PCSK5: variants seen among roughly 807,000 people sequenced by gnomAD.
PCSK5 encodes the protein proprotein convertase subtilisin/kexin type 5, also known as prohormone convertase 5.
In PCSK5, 129 loss-of-function variants were observed where a neutral mutation model predicts 233.2. The observed-to-expected ratio is 0.55, with a 90% CI of 0.48 to 0.64. The LOEUF is 0.64. PCSK5 is among the 30% of genes least tolerant of loss of function. The pLI is 0.00. For synonymous variants in PCSK5, 825 were observed against 879.2 expected (o/e 0.94, Z 1.09); for missense variants, 2,076 against 2,430.1 (o/e 0.85, Z 3.06).
intron 4 of PCSK5, among the ~76,000 whole-genome samples, chr9:76,025,978 C>G (rs892028232): frequency 1.7e-4 from 26 of 151,974 alleles, no homozygotes; most frequent in African/African-American, 6.3e-4. Flanking sequence ...TGGCACCTGC[C>G]TGTAGTCTCA....
intron 20 of PCSK5, among the ~76,000 whole-genome samples, chr9:76,219,617 A>G (rs1329533720): frequency 6.6e-6 from 1 of 152,000 alleles, no homozygotes; most frequent in Non-Finnish European, 1.5e-5. Context: ...CATCTTCATC[A>G]CTCCAAAGAG....
rs539779055 is a variant in PCSK5, at chr9:76,333,411, A to G, written c.4748+801A>G. ...AGGAAATAGTTCCATTAACATCTCC[A>G]TTTATTCCCCATTAATTCCCCAACC... On this transcript the variant is annotated intron_variant, in intron 34 of 37. Coordinates refer to ENST00000674117, the MANE Select transcript of PCSK5 (RefSeq NM_001372043.1). 4.7e-4 allele frequency among the ~76,000 whole-genome samples: 72 copies of G among 152,328 alleles called. 1 individual carries two copies. The highest frequency in any genetic ancestry group is 1.8e-4 in the Non-Finnish European group (12 of 68,038).
At chr9:76,225,125 CT>C (rs989232585) in intron 20 of PCSK5, among the ~76,000 whole-genome samples, 1 of 152,140 alleles carries the variant, frequency 6.6e-6, no homozygotes, top group African/African-American at 2.4e-5. Context: ...TGTGTACACC[CT>C]TGCTCTTCTG....
At chr9:76,202,307 G>A (rs1824944415) in intron 20 of PCSK5, among the ~76,000 whole-genome samples, 1 of 152,290 alleles carries the variant, frequency 6.6e-6, no homozygotes, top group Non-Finnish European at 1.5e-5. Context: ...GGATATTGCA[G>A]TATCTCCTCA....
chr9:76,188,954 C>T (rs1331894291), intron 18 of PCSK5, 140 bp from the exon 19 acceptor site: 1 of 784,744 alleles, frequency 1.3e-6, no homozygotes, highest in Non-Finnish European at 2.0e-6. Context: ...AGGCTTTTTT[C>T]CCAGGGAAAT....
intron 16 of PCSK5, 43 bp downstream of exon 16, chr9:76,181,634 G>A (rs771838228): frequency 1.4e-6 from 2 of 1,434,604 alleles, no homozygotes; most frequent in Non-Finnish European, 1.9e-6. Context: ...AAGAAATGTG[G>A]TGTTTTCATT....
chr9:76,150,563 G>A (rs1452920391), intron 10 of PCSK5, among the ~76,000 whole-genome samples: 1 of 151,622 alleles, frequency 6.6e-6, no homozygotes, highest in Non-Finnish European at 1.5e-5. Context: ...AACCTGGGAG[G>A]CAGAGGTTGC....
intron 7 of PCSK5, among the ~76,000 whole-genome samples, chr9:76,084,838 T>C (rs949358498): frequency 1.3e-5 from 2 of 152,186 alleles, no homozygotes; most frequent in African/African-American, 4.8e-5. Flanking sequence ...GTTGATAATA[T>C]CAACTGATTT....
rs563336094 is a variant in PCSK5 at position 76,278,854 on chromosome 9, A to G, written c.3143-13379A>G. Among the ~76,000 whole-genome samples, 4 of 152,330 alleles carry G rather than the reference A, an allele frequency of 2.6e-5. 1 individual carries two copies. The highest frequency in any genetic ancestry group is 2.6e-4 in the Admixed American group (4 of 15,300). On this transcript the variant is annotated intron_variant, in intron 24 of 37. Transcript: ENST00000674117. Reference sequence around the variant, plus strand: ...TTCAATGTCTATTAGCCCATCTTATATAAGTGAACAGGCATATCTCATTTT... The same window carrying G: ...TTCAATGTCTATTAGCCCATCTTATGTAAGTGAACAGGCATATCTCATTTT...
At chr9:75,956,911 A>G (rs116384395) in intron 2 of PCSK5, among the ~76,000 whole-genome samples, 3,999 of 152,196 alleles carry the variant, frequency 0.026, 184 homozygotes, top group African/African-American at 0.09. Flanking sequence ...TGAAAGACCA[A>G]TACTAGCTTA....
At chr9:76,262,642 A>G (rs1157601066) in intron 24 of PCSK5, among the ~76,000 whole-genome samples, 1 of 151,470 alleles carries the variant, frequency 6.6e-6, no homozygotes, top group South Asian at 2.1e-4. Flanking sequence ...TGGATTAAAG[A>G]CTTAAACGTT....
At chr9:76,189,794 TCTA>T (rs2131241850) in intron 20 of PCSK5, 48 bp downstream of exon 20, 1 of 970,320 alleles carries the variant, frequency 1.0e-6, no homozygotes, top group Non-Finnish European at 1.6e-6. Flanking sequence ...GTATGATCTT[TCTA>T]CTTTCAGGAC....
chr9:76,327,538 A>T (rs961942258), intron 32 of PCSK5, among the ~76,000 whole-genome samples: 1 of 152,232 alleles, frequency 6.6e-6, no homozygotes, highest in Non-Finnish European at 1.5e-5. Context: ...ATTCAAAAAT[A>T]AATGCAAAAG....
intron 1 of PCSK5, among the ~76,000 whole-genome samples, chr9:75,922,005 G>C (rs1823279025): frequency 6.6e-6 from 1 of 152,148 alleles, no homozygotes; most frequent in Admixed American, 6.5e-5. Flanking sequence ...GACACCAAGG[G>C]GTTGGCAGAA....
chr9:76,147,342 G>A (rs554567645), intron 10 of PCSK5, among the ~76,000 whole-genome samples: 1 of 152,174 alleles, frequency 6.6e-6, no homozygotes, highest in South Asian at 2.1e-4. Context: ...ATACTGTGCA[G>A]TCAACTCTCA....
chr9:76,300,670 C>G (rs1282253273), intron 27 of PCSK5, among the ~76,000 whole-genome samples: 2 of 152,182 alleles, frequency 1.3e-5, no homozygotes, highest in East Asian at 1.9e-4. Flanking sequence ...TCTACACCCT[C>G]TAGCAGATGC....
At position 76,332,506 on chromosome 9, in the gene PCSK5, C is replaced by T. The variant is rs924473316; in HGVS notation, c.4644C>T (p.His1548=). The T allele has an allele frequency of 1.9e-6, 3 of 1,612,588 alleles. No homozygotes were observed. The highest frequency in any genetic ancestry group is 2.5e-6 in the Non-Finnish European group (3 of 1,179,714). ...ACAGCAACCGGTGTGCCCACTGCCA[C>T]AGCTCTTGCAGGACATGTGAAGGGA... ...DEDSNRCAHC[H]SSCRTCEGRH... Residue 1548 remains histidine (H), a synonymous_variant, in exon 34 of 38, where the codon CAC becomes CAT. Transcript: ENST00000674117.
chr9:76,191,012 A>C (rs1824349512), intron 20 of PCSK5, among the ~76,000 whole-genome samples: 2 of 152,228 alleles, frequency 1.3e-5, no homozygotes, highest in African/African-American at 4.8e-5. Context: ...CCCATCTGTA[A>C]AAATGAATGA....
intron 2 of PCSK5, among the ~76,000 whole-genome samples, chr9:75,979,191 A>G (rs1460681925): frequency 6.6e-6 from 1 of 152,038 alleles, no homozygotes; most frequent in Non-Finnish European, 1.5e-5. Context: ...TGCTGTTTAG[A>G]TGGCAGCATT....
Sources: allele counts gnomAD v4.1 joint callset (sites outside exome capture counted in the v4.1 genomes callset), GRCh38; gene constraint gnomAD v4.1.1; transcripts MANE v1.5; gene names NCBI Gene and HGNC (gene_info 2026-07-23, HGNC 2026-07-21).